Variants in COL19A1 observed in about 807,000 individuals in gnomAD.
The protein encoded by COL19A1 is collagen alpha-1(XIX) chain.
A neutral mutation model predicts 190.2 loss-of-function variants in COL19A1; 159 were observed. The observed-to-expected ratio is 0.84, with a 90% CI of 0.73 to 0.95. COL19A1 has a LOEUF of 0.95. COL19A1 is among the 40% of genes least tolerant of loss of function. The pLI is 0.00. For synonymous variants in COL19A1, 509 were observed against 458.9 expected, an observed-to-expected ratio of 1.11 and a Z score of -1.39; for missense variants, 1,418 against 1,431.9, an observed-to-expected ratio of 0.99 and a Z score of 0.16.
intron 17 of COL19A1, among the ~76,000 whole-genome samples, chr6:70,122,667 C>T (rs1784951280): frequency 6.6e-6 from 1 of 152,096 alleles, no homozygotes; most frequent in South Asian, 2.1e-4. Flanking sequence ...TTTCTTGCAC[C>T]ACAGAAAGAA....
intron 15 of COL19A1, among the ~76,000 whole-genome samples, chr6:70,070,276 T>A (rs1562141980): frequency 6.6e-6 from 1 of 152,162 alleles, no homozygotes; most frequent in East Asian, 1.9e-4. Context: ...AAATTAAACA[T>A]GTATTTTCCA....
At chr6:69,874,738 G>A (rs113713450) in intron 1 of COL19A1, among the ~76,000 whole-genome samples, 18,808 of 151,700 alleles carry the variant, frequency 0.12, 1,437 homozygotes, top group Middle Eastern at 0.32. Context: ...GCAACAGAGC[G>A]AGACTCTGTC....
intron 9 of COL19A1, among the ~76,000 whole-genome samples, chr6:69,949,292 C>T (rs966700583): frequency 6.6e-6 from 1 of 151,760 alleles, no homozygotes; most frequent in African/African-American, 2.4e-5. Context: ...ACTTTCTCTT[C>T]CCAAGGACTC....
At chr6:70,029,548 C>G (rs1284456505) in intron 12 of COL19A1, among the ~76,000 whole-genome samples, 2 of 152,114 alleles carry the variant, frequency 1.3e-5, no homozygotes, top group African/African-American at 4.8e-5. Flanking sequence ...AGTGCTGTGT[C>G]CTTTCTCCCT....
At chr6:70,046,704 T>G (rs888938057) in intron 14 of COL19A1, among the ~76,000 whole-genome samples, 2 of 152,182 alleles carry the variant, frequency 1.3e-5, no homozygotes, top group African/African-American at 4.8e-5. Flanking sequence ...AATCTATAGT[T>G]GTAGATTTTA....
At chr6:70,094,346 T>C (rs1365067328) in intron 15 of COL19A1, among the ~76,000 whole-genome samples, 5 of 152,190 alleles carry the variant, frequency 3.3e-5, no homozygotes, top group Admixed American at 3.3e-4. Context: ...GTCTCCTCTT[T>C]CCTAACATTT....
intron 11 of COL19A1, among the ~76,000 whole-genome samples, chr6:69,965,168 C>T (rs116179628): frequency 0.017 from 2,598 of 152,198 alleles, 84 homozygotes; most frequent in African/African-American, 0.058. Flanking sequence ...TTTTTAAAAA[C>T]CCACTTTCTT....
chr6:69,989,991 A>G (rs571975670), intron 11 of COL19A1, among the ~76,000 whole-genome samples: 4 of 152,202 alleles, frequency 2.6e-5, no homozygotes, highest in Admixed American at 6.6e-5. Flanking sequence ...TTATCTTGTT[A>G]AGAAAATTCT....
chr6:69,913,542 G>T (rs1298398695), intron 4 of COL19A1, among the ~76,000 whole-genome samples: 2 of 152,170 alleles, frequency 1.3e-5, no homozygotes, highest in South Asian at 4.1e-4. Context: ...AATTTACCAG[G>T]TGAGCCAAGG....
At chr6:70,106,007 G>A (rs1783936489) in intron 16 of COL19A1, among the ~76,000 whole-genome samples, 1 of 152,076 alleles carries the variant, frequency 6.6e-6, no homozygotes, top group South Asian at 2.1e-4. Context: ...GAATTACCAG[G>A]AGGCATGATT....
intron 7 of COL19A1, 58 bp from the exon 8 acceptor site, chr6:69,936,727 G>A: frequency 4.4e-6 from 7 of 1,592,944 alleles, no homozygotes; most frequent in Non-Finnish European, 6.0e-6. Context: ...GCCAGTGTTT[G>A]GAACATGAGA....
chr6:70,108,713 T>C (rs1784111749), intron 16 of COL19A1, among the ~76,000 whole-genome samples: 1 of 152,148 alleles, frequency 6.6e-6, no homozygotes. Context: ...CCTTCTATTG[T>C]ACAATACCAA....
chr6:69,998,662 A>G (rs1165500703), intron 11 of COL19A1, among the ~76,000 whole-genome samples: 2 of 151,378 alleles, frequency 1.3e-5, no homozygotes, highest in Non-Finnish European at 2.9e-5. Flanking sequence ...AAAAAAAAAA[A>G]AGACAGAAAA....
intron 11 of COL19A1, among the ~76,000 whole-genome samples, chr6:69,986,804 T>C (rs1776340504): frequency 6.6e-6 from 1 of 152,220 alleles, no homozygotes; most frequent in African/African-American, 2.4e-5. Context: ...GACATGGAGC[T>C]CTAACTTTGT....
chr6:69,874,291 C>G (rs1351200759), intron 1 of COL19A1, among the ~76,000 whole-genome samples: 1 of 152,102 alleles, frequency 6.6e-6, no homozygotes, highest in Non-Finnish European at 1.5e-5. Flanking sequence ...CCTACCGGTG[C>G]CTCCAGCAAG....
At chr6:70,164,374 A>T (rs1343827282) in intron 36 of COL19A1, among the ~76,000 whole-genome samples, 1 of 152,180 alleles carries the variant, frequency 6.6e-6, no homozygotes, top group Non-Finnish European at 1.5e-5. Context: ...TCAAGAGTCC[A>T]CATGAGCCAC....
At position 70,045,323 on chromosome 6, in the gene COL19A1, A is replaced by C. The variant is rs1445239871; in HGVS notation, c.1170+9384A>C. ...GCGAGACTCTGTCTCAAAAAAAAAA[A>C]AAAAAAAAAAAACTTTCTCCGATCA... is the stretch of plus-strand genomic sequence containing the variant. On this transcript the variant is annotated intron_variant, in intron 14 of 50. Coordinates refer to ENST00000620364, the MANE Select transcript of COL19A1 (RefSeq NM_001858.6). Among the ~76,000 whole-genome samples, 7 of 151,956 alleles carry C rather than the reference A, an allele frequency of 4.6e-5. No homozygotes were observed. In the East Asian group the frequency reaches 1.2e-3, roughly 25 times the overall value.
chr6:70,122,887 A>C (rs1317080816), intron 17 of COL19A1, among the ~76,000 whole-genome samples: 1 of 152,216 alleles, frequency 6.6e-6, no homozygotes, highest in Non-Finnish European at 1.5e-5. Context: ...ATGGTTGACA[A>C]ATTTAAAATC....
At chr6:69,998,897 T>C (rs1435429670) in intron 11 of COL19A1, among the ~76,000 whole-genome samples, 2 of 152,128 alleles carry the variant, frequency 1.3e-5, no homozygotes, top group African/African-American at 4.8e-5. Flanking sequence ...GTTGCAGACA[T>C]GAGTACGTTT....
Sources: gnomAD v4.1 joint callset for allele counts (sites outside exome capture counted in the v4.1 genomes callset) on GRCh38, gnomAD v4.1.1 for gene constraint, MANE v1.5 for transcripts, NCBI Gene and HGNC (gene_info 2026-07-23, HGNC 2026-07-21) for gene names.